The following SLC16A4 variants were observed in gnomAD, a reference collection of about 807,000 sequenced individuals.
SLC16A4 encodes the protein probable monocarboxylate transporter 5.
In SLC16A4, 39 loss-of-function variants were observed where a neutral mutation model predicts 47.9. The observed-to-expected ratio is 0.81, with a 90% confidence interval of 0.63 to 1.06. SLC16A4 has a LOEUF of 1.06. Among genes scored for constraint, SLC16A4 ranks in the 50% least tolerant of loss-of-function variants. The probability of loss-of-function intolerance (pLI) is 0.00; values close to 1 mark genes in which losing one functional copy is unlikely to be tolerated. For missense variants in SLC16A4, 524 were observed against 573.8 expected, an observed-to-expected ratio of 0.91 and a Z score of 0.89; for synonymous variants, 189 against 199.9, an observed-to-expected ratio of 0.95 and a Z score of 0.46.
chr1:110,375,543 C>T lies in SLC16A4; in HGVS notation c.1251G>A (p.Leu417=), dbSNP rs766261991. The change falls in exon 8 of 9, where the codon CTG becomes CTA. Residue 417 remains leucine, a synonymous_variant. Coordinates refer to ENST00000369779, the MANE Select transcript of SLC16A4 (RefSeq NM_004696.3). ...ACCTGTTTACTGTAGAATTCCTACA[C>T]AGATCAACCTGTAGGAATTAGAATT... ...LALILPVLVD[L]CRNSTVNRFL... 1.3e-6 allele frequency: 2 copies of T among 1,590,482 alleles called. No individual in the cohort carries two copies.
intron 8 of SLC16A4, 33 bp downstream of exon 8, chr1:110,375,425 T>G: frequency 9.9e-6 from 12 of 1,209,088 alleles, no homozygotes; most frequent in Non-Finnish European, 1.5e-5. Context: ...TTATTGCTAT[T>G]GAAATTTGTT....
In SLC16A4 at chr1:110,377,049, C is replaced by T; in HGVS notation, c.1143G>A (p.Leu381=). ...SYLILCGITN[L]LAPLATTFPL... ...GAAATGTGGTGGCTAAAGGAGCAAG[C>T]AGGTTAGTGATGCCGCAGAGGATGA... The change falls in exon 7 of 9, where the codon CTG becomes CTA. Residue 381 remains leucine, a synonymous_variant. Transcript: ENST00000369779. 2 of 1,614,104 alleles carry T rather than the reference C, an allele frequency of 1.2e-6. No homozygotes were observed. Among genetic ancestry groups the T allele is most frequent in the Non-Finnish European group, 1.7e-6 (2 of 1,180,010 alleles).
intron 8 of SLC16A4, among the ~76,000 whole-genome samples, chr1:110,364,499 C>CT (rs34416973): frequency 0.28 from 29,352 of 104,746 alleles, 4,799 homozygotes; most frequent in East Asian, 0.42. Context: ...AATCTAAATG[C>CT]TTTTTTTTTT....
Position 110,389,271 on chromosome 1 carries a change from C to T in SLC16A4, c.53G>A (p.Gly18Glu), listed in dbSNP as rs1310220425. The change falls in exon 2 of 9, where the codon GGA (glycine) becomes GAA (glutamate). Residue 18 changes from glycine (G) to glutamate (E), a missense_variant. By Grantham distance (98) the Gly-to-Glu change is moderately conservative (BLOSUM62 -2). Coordinates refer to ENST00000369779, the MANE Select transcript of SLC16A4 (RefSeq NM_004696.3). ...ATGAATCACAATCATCCATCCCCAT[C>T]CTCCATCCAGGGTTTTAGTGTAAGG... ...VQPYTKTLDGGWGWMIVIHFF... is the reference protein window; with the variant it reads ...VQPYTKTLDGEWGWMIVIHFF... 1.2e-6 allele frequency: 2 copies of T among 1,613,968 alleles called. No individual in the cohort carries two copies. The highest frequency in any genetic ancestry group is 1.7e-5 in the Admixed American group (1 of 60,012).
intron 8 of SLC16A4, among the ~76,000 whole-genome samples, chr1:110,364,535 C>T (rs886155369): frequency 7.8e-6 from 1 of 128,446 alleles, no homozygotes; most frequent in Non-Finnish European, 1.6e-5. Flanking sequence ...CAGAGGCTTG[C>T]TCTGTCACCC....
intron 6 of SLC16A4, among the ~76,000 whole-genome samples, chr1:110,378,240 A>C (rs1198407855): frequency 6.6e-6 from 1 of 152,236 alleles, no homozygotes; most frequent in Non-Finnish European, 1.5e-5. Context: ...TCAAGGGGAA[A>C]ATTCCTTAGC....
intron 2 of SLC16A4, among the ~76,000 whole-genome samples, chr1:110,386,262 C>T (rs1662727532): frequency 6.6e-6 from 1 of 152,218 alleles, no homozygotes; most frequent in Non-Finnish European, 1.5e-5. Flanking sequence ...TACCATGCTT[C>T]CCGTCCCTTA....
chr1:110,377,013 C>A lies in SLC16A4; in HGVS notation c.1179G>T (p.Met393Ile). 1 of 1,614,014 alleles carries A rather than the reference C, an allele frequency of 6.2e-7. No homozygotes were observed. The highest frequency in any genetic ancestry group is 1.3e-5 in the African/African-American group (1 of 75,004). The change falls in exon 7 of 9, where the codon ATG becomes ATT. Residue 393 changes from methionine to isoleucine, a missense_variant. Met to Ile is a conservative substitution (Grantham distance 10). Transcript: ENST00000369779. Reference sequence around the variant, plus strand: ...AGATGGCAAAGCAGATGGTGTAGGTCATAAGTAGTGGAAATGTGGTGGCTA... The same window carrying A: ...AGATGGCAAAGCAGATGGTGTAGGTAATAAGTAGTGGAAATGTGGTGGCTA... ...APLATTFPLL[M>I]TYTICFAIFA...
At chr1:110,374,188 C>G (rs1022987911) in intron 8 of SLC16A4, among the ~76,000 whole-genome samples, 1 of 152,004 alleles carries the variant, frequency 6.6e-6, no homozygotes, top group Non-Finnish European at 1.5e-5. Context: ...TTATAGGCAT[C>G]TGCCATTACA....
intron 2 of SLC16A4, among the ~76,000 whole-genome samples, chr1:110,383,805 G>GTTTTTTTTTTTT (rs71096348): frequency 5.2e-4 from 34 of 65,764 alleles, no homozygotes; most frequent in East Asian, 4.8e-3. Flanking sequence ...TTAAAAGGAG[G>GTTTTTTTTTTTT]TTTTTTTTTT....
chr1:110,376,456 C>T (rs576758233), intron 7 of SLC16A4, among the ~76,000 whole-genome samples: 2 of 152,184 alleles, frequency 1.3e-5, no homozygotes, highest in East Asian at 1.9e-4. Context: ...CCATCTGGGT[C>T]GAGGACTTTG....
intron 8 of SLC16A4, chr1:110,371,997 T>C (rs1661711766): frequency 6.6e-6 from 1 of 152,162 alleles, no homozygotes; most frequent in African/African-American, 2.4e-5. Flanking sequence ...AATTGAGGTG[T>C]GTAATTTTCT....
chr1:110,383,598 A>G (rs1662549893), intron 2 of SLC16A4, among the ~76,000 whole-genome samples: 1 of 152,098 alleles, frequency 6.6e-6, no homozygotes, highest in Non-Finnish European at 1.5e-5. Flanking sequence ...CCTGCAAATT[A>G]TCTCAAGCAC....
intron 2 of SLC16A4, among the ~76,000 whole-genome samples, chr1:110,383,672 G>T (rs1196332713): frequency 6.6e-6 from 1 of 151,980 alleles, no homozygotes; most frequent in African/African-American, 2.4e-5. Flanking sequence ...CAGTCTTGTG[G>T]CCTCCAGCTG....
Position 110,376,956 on chromosome 1 carries a change from AG to A in SLC16A4, c.1235del (p.Pro412LeufsTer12). 1 of 1,612,828 alleles carries A rather than the reference AG, an allele frequency of 6.2e-7. No individual in the cohort carries two copies. The highest frequency in any genetic ancestry group is 8.5e-7 in the Non-Finnish European group (1 of 1,178,908). On this transcript the variant is annotated frameshift_variant, in exon 7 of 9. Coordinates refer to ENST00000369779, the MANE Select transcript of SLC16A4 (RefSeq NM_004696.3). LOFTEE classifies it high-confidence loss of function. ...AATGAGTGTGTCTACTCACCAGTAC[AG>A]GCAGTATCAATGCCAGGTAACCACC... ...FAGGYLALIL[P>X]VLVDLCRNST...
intron 8 of SLC16A4, chr1:110,370,862 A>G (rs1661651493): frequency 6.6e-6 from 1 of 152,224 alleles, no homozygotes; most frequent in Admixed American, 6.5e-5. Context: ...GTCTTCAATT[A>G]AAGGTAAGAA....
intron 7 of SLC16A4, among the ~76,000 whole-genome samples, chr1:110,376,575 CT>C: frequency 6.6e-6 from 1 of 152,224 alleles, no homozygotes; most frequent in South Asian, 2.1e-4. Context: ...TCGGGAAATC[CT>C]TTTTTCTCTT....
chr1:110,383,006 T>C lies in SLC16A4; in HGVS notation c.88-40A>G, dbSNP rs1391473317. 5 of 1,543,726 alleles carry C rather than the reference T, an allele frequency of 3.2e-6. No individual in the cohort carries two copies. The East Asian group carries it at 9.1e-5, about 28-fold the overall frequency. ...ACCAGAGTCCAACTCAGGTGGTAAG[T>C]GAGCCATTACAGAGGCAATTACGGC... On this transcript the variant is annotated intron_variant, in intron 2 of 8. Transcript: ENST00000369779.
rs1661171654 is a variant in SLC16A4, at chr1:110,363,208, T to C, written c.*558A>G. On this transcript the variant is annotated 3_prime_UTR_variant, in exon 9 of 9. Coordinates refer to ENST00000369779, the MANE Select transcript of SLC16A4 (RefSeq NM_004696.3). ...ATTATGGTACATTCCGATTTCTATT[T>C]AATACATAAGGTACCTGATTAAAAT... 1 of 152,256 alleles carries C rather than the reference T, an allele frequency of 6.6e-6. No individual in the cohort carries two copies. The highest frequency in any genetic ancestry group is 1.5e-5 in the Non-Finnish European group (1 of 68,054). The allele number at this position is 152,256 out of a possible 1,614,324, so 9.4% of individuals were successfully genotyped here. A position where few individuals can be genotyped will look rare whatever the true frequency, so the allele number is the denominator to read the frequency against.
Sources: allele counts gnomAD v4.1 joint callset (sites outside exome capture counted in the v4.1 genomes callset), GRCh38; gene constraint gnomAD v4.1.1; transcripts MANE v1.5; gene names NCBI Gene and HGNC (gene_info 2026-07-23, HGNC 2026-07-21).